THSD7A: variants seen among roughly 807,000 people sequenced by gnomAD.
THSD7A encodes the protein thrombospondin type 1 domain containing 7A.
A neutral mutation model predicts 231.3 loss-of-function variants in THSD7A; 96 were observed. The observed-to-expected ratio is 0.41, with a 90% confidence interval of 0.35 to 0.49. The LOEUF is 0.49. Ranked by LOEUF, THSD7A falls within the 20% of genes least tolerant of loss-of-function variation. The pLI, the probability that THSD7A is intolerant of heterozygous loss-of-function variation, is 0.05. For missense variants in THSD7A, 2,290 were observed against 2,070.2 expected (o/e 1.11, Z -2.06); for synonymous variants, 940 against 743.3 (o/e 1.26, Z -4.30).
chr7:11,809,339 T>C (rs1784471219), intron 1 of THSD7A, among the ~76,000 whole-genome samples: 1 of 152,192 alleles, frequency 6.6e-6, no homozygotes, highest in Non-Finnish European at 1.5e-5. Context: ...GAGCAAGTGG[T>C]ATTTGAACTG....
chr7:11,615,781 T>A (rs891278770), intron 2 of THSD7A, among the ~76,000 whole-genome samples: 1 of 152,206 alleles, frequency 6.6e-6, no homozygotes, highest in Non-Finnish European at 1.5e-5. Context: ...GGAACATTGA[T>A]TTAATCCAGA....
intron 1 of THSD7A, among the ~76,000 whole-genome samples, chr7:11,760,627 C>G (rs1054159008): frequency 1.3e-5 from 2 of 152,044 alleles, no homozygotes; most frequent in African/African-American, 4.8e-5. Flanking sequence ...CTCACATAAT[C>G]ACAACATCTG....
rs571741876 is a variant in THSD7A, at chr7:11,801,045, T to A, written c.190+30712A>T. On this transcript the variant is annotated intron_variant, in intron 1 of 27. Transcript: ENST00000423059. ...GGCCAGATGTGATGGCTCACGCCTGTAATCCTAGCACTTTGGGAGGCTGAG... is the reference window on the plus strand; with the variant it reads ...GGCCAGATGTGATGGCTCACGCCTGAAATCCTAGCACTTTGGGAGGCTGAG... 2.4e-4 allele frequency among the ~76,000 whole-genome samples: 36 copies of A among 152,230 alleles called. No homozygotes were observed. The South Asian group carries it at 6.4e-3, about 27-fold the overall frequency.
rs77673755 is a variant in THSD7A, at chr7:11,715,941, A to T, written c.191-78980T>A. The stretch of plus-strand genomic sequence containing the variant: ...AGCAACATTTTCATTAAGGTACGAA[A>T]TAAAAATCTGGGAGAAACCCATATA... On this transcript the variant is annotated intron_variant, in intron 1 of 27. Transcript: ENST00000423059. Among the ~76,000 whole-genome samples the T allele has an allele frequency of 6.6e-3, 1,008 of 151,694 alleles. 11 individuals carry two copies. The highest frequency in any genetic ancestry group is 0.012 in the Non-Finnish European group (806 of 67,698).
chr7:11,635,942 C>T (rs1416475780), intron 2 of THSD7A, among the ~76,000 whole-genome samples, 188 bp downstream of exon 2: 2 of 151,826 alleles, frequency 1.3e-5, no homozygotes, highest in Non-Finnish European at 2.9e-5. Context: ...AATACAGGGC[C>T]TAAATGTGGA....
chr7:11,383,675 GT>G (rs1276684149), intron 23 of THSD7A: 42 of 150,580 alleles, frequency 2.8e-4, no homozygotes, highest in Non-Finnish European at 1.5e-5. Flanking sequence ...TTAAATTAAA[GT>G]TCCTTGATTA....
At chr7:11,428,813 T>C in intron 14 of THSD7A, 134 bp downstream of exon 14, 3 of 935,584 alleles carry the variant, frequency 3.2e-6, no homozygotes, top group Non-Finnish European at 4.8e-6. Context: ...TATGTATTTA[T>C]TCAGGCATTC....
intron 1 of THSD7A, among the ~76,000 whole-genome samples, chr7:11,648,095 T>C (rs1782351556): frequency 6.6e-6 from 1 of 152,144 alleles, no homozygotes; most frequent in African/African-American, 2.4e-5. Flanking sequence ...ATCAACTAGA[T>C]AAGCCATTTG....
rs892586804 is a variant in THSD7A at position 11,374,510 on chromosome 7, CAG to C, written c.*1282_*1283del. 1 of 151,948 alleles carries C rather than the reference CAG, an allele frequency of 6.6e-6. No homozygotes were observed. Among genetic ancestry groups the C allele is most frequent in the African/African-American group, 2.4e-5 (1 of 41,380 alleles). The allele number at this position is 151,948 out of a possible 1,614,324, so 9.4% of individuals were successfully genotyped here. Reference sequence around the variant, plus strand: ...GACATTCAATCTGAAACTGGGAAATCAGAGAGAAAGAAAAATCAACATATAAT... The same window carrying C: ...GACATTCAATCTGAAACTGGGAAATCAGAGAAAGAAAAATCAACATATAAT... On this transcript the variant is annotated 3_prime_UTR_variant, in exon 28 of 28. Coordinates refer to ENST00000423059, the MANE Select transcript of THSD7A (RefSeq NM_015204.3).
chr7:11,664,153 A>G (rs150901329), intron 1 of THSD7A, among the ~76,000 whole-genome samples: 213 of 151,860 alleles, frequency 1.4e-3, no homozygotes, highest in Non-Finnish European at 2.5e-3. Context: ...CCTTTTACGA[A>G]GGATTCAATA....
intron 1 of THSD7A, chr7:11,821,227 G>A (rs2128187124): frequency 9.3e-6 from 11 of 1,184,270 alleles, no homozygotes; most frequent in Non-Finnish European, 1.3e-5. Context: ...TATATGTTGG[G>A]CTAACAGTTC....
Position 11,831,795 on chromosome 7 carries a change from C to T in THSD7A, c.152G>A (p.Gly51Asp), listed in dbSNP as rs746359267. The change falls in exon 1 of 28, where the codon GGC becomes GAC. Residue 51 changes from glycine (G) to aspartate (D), a missense_variant. By Grantham distance (94) the Gly-to-Asp change is moderately conservative (BLOSUM62 -1). Coordinates refer to ENST00000423059, the MANE Select transcript of THSD7A (RefSeq NM_015204.3). This position sits in a 1 kb window ranked among gnomAD's most constrained non-coding sequence, Gnocchi z 5.0. ...ATAGAGGGTGGGCGCCTCCGCCTCG[C>T]CCTGCGCCGCAGCCCTGCCGGCGCC... ...RPGAGRAAAQ[G>D]EAEAPTLYLW... 26 of 1,472,488 alleles carry T rather than the reference C, an allele frequency of 1.8e-5. No individual in the cohort carries two copies. Among genetic ancestry groups the T allele is most frequent in the South Asian group, 1.3e-4 (9 of 70,634 alleles). 91.2% of individuals were successfully genotyped at this position (1,472,488 alleles called of 1,614,324 possible).
chr7:11,506,009 A>T (rs1237597689), intron 6 of THSD7A, among the ~76,000 whole-genome samples: 1 of 152,210 alleles, frequency 6.6e-6, no homozygotes, highest in Admixed American at 6.5e-5. Flanking sequence ...AACAAGATAG[A>T]CAAAAAGAGG....
At chr7:11,784,236 A>ATG (rs145997266) in intron 1 of THSD7A, among the ~76,000 whole-genome samples, 29 of 151,178 alleles carry the variant, frequency 1.9e-4, no homozygotes, top group Middle Eastern at 3.4e-3. Context: ...ATATATATGT[A>ATG]TGTGTGTGTG....
At chr7:11,452,672 A>G (rs1785182938) in intron 11 of THSD7A, among the ~76,000 whole-genome samples, 1 of 151,992 alleles carries the variant, frequency 6.6e-6, no homozygotes. Flanking sequence ...TGGAGCATCC[A>G]AGAACAATCA....
intron 25 of THSD7A, 101 bp from the exon 26 acceptor site, chr7:11,379,381 G>A: frequency 8.6e-7 from 1 of 1,168,972 alleles, no homozygotes; most frequent in Non-Finnish European, 1.2e-6. Flanking sequence ...TTTGTTTTGG[G>A]AATTACTATA....
chr7:11,510,656 G>T (rs765275849), intron 6 of THSD7A, among the ~76,000 whole-genome samples: 8 of 152,058 alleles, frequency 5.3e-5, no homozygotes, highest in Non-Finnish European at 1.2e-4. Flanking sequence ...TCATATAAAA[G>T]GAACTAAAGA....
chr7:11,575,577 A>G (rs1488207650), intron 4 of THSD7A, among the ~76,000 whole-genome samples: 1 of 152,218 alleles, frequency 6.6e-6, no homozygotes, highest in African/African-American at 2.4e-5. Flanking sequence ...AGTAAGCAGA[A>G]GAGCTGTACT....
intron 4 of THSD7A, among the ~76,000 whole-genome samples, chr7:11,557,377 A>G (rs1342208550): frequency 6.6e-6 from 1 of 152,116 alleles, no homozygotes; most frequent in Non-Finnish European, 1.5e-5. Context: ...AAACATGCTC[A>G]TAACTGTTGA....
Sources: gnomAD v4.1 joint callset for allele counts (sites outside exome capture counted in the v4.1 genomes callset) on GRCh38, gnomAD v4.1.1 for gene constraint, Gnocchi (gnomAD v3.1) non-coding constraint, MANE v1.5 for transcripts, NCBI Gene and HGNC (gene_info 2026-07-23, HGNC 2026-07-21) for gene names.